NEGR1: variants seen among roughly 807,000 people sequenced by gnomAD.
NEGR1 encodes IgLON family member 4.
In NEGR1, 10 loss-of-function variants were observed where a neutral mutation model predicts 40.9. The observed-to-expected ratio is 0.24, with a 90% CI of 0.15 to 0.42. The LOEUF is 0.42. Ranked by LOEUF, NEGR1 falls within the 10% of genes least tolerant of loss-of-function variation. The pLI, the probability that NEGR1 is intolerant of heterozygous loss-of-function variation, is 1.00. For synonymous variants in NEGR1, 185 were observed against 166.8 expected (o/e 1.11, Z -0.84); for missense variants, 352 against 438.9 (o/e 0.80, Z 1.77).
intron 1 of NEGR1, among the ~76,000 whole-genome samples, chr1:72,097,790 T>A (rs1165753039): frequency 2.0e-5 from 3 of 152,180 alleles, no homozygotes. Context: ...ACATATAATA[T>A]TGGCCTCACG....
chr1:72,001,313 G>A (rs1186150940), intron 1 of NEGR1, among the ~76,000 whole-genome samples: 1 of 151,724 alleles, frequency 6.6e-6, no homozygotes, highest in Non-Finnish European at 1.5e-5. Flanking sequence ...GATTTCCTCA[G>A]CCATGAGAGA....
chr1:71,817,802 G>A (rs1308648076), intron 2 of NEGR1, among the ~76,000 whole-genome samples: 1 of 152,008 alleles, frequency 6.6e-6, no homozygotes, highest in Non-Finnish European at 1.5e-5. Flanking sequence ...AGGATTGGGT[G>A]GCTATGGCTA....
chr1:72,227,597 G>T (rs1654233638), intron 1 of NEGR1, among the ~76,000 whole-genome samples: 1 of 152,032 alleles, frequency 6.6e-6, no homozygotes, highest in South Asian at 2.1e-4. Flanking sequence ...TATTTCATTG[G>T]AAGTGTTTGG....
chr1:71,951,880 G>T (rs1214586734), intron 1 of NEGR1, among the ~76,000 whole-genome samples: 1 of 151,644 alleles, frequency 6.6e-6, no homozygotes, highest in Non-Finnish European at 1.5e-5. Flanking sequence ...ATGTTTTATG[G>T]TGGTCCATAA....
intron 2 of NEGR1, among the ~76,000 whole-genome samples, chr1:71,789,837 T>C (rs2101733770): frequency 6.6e-6 from 1 of 152,218 alleles, no homozygotes. Flanking sequence ...CAACCCCTTC[T>C]TCTTTCTGAA....
intron 6 of NEGR1, among the ~76,000 whole-genome samples, chr1:71,559,044 T>TATAC (rs1488767009): frequency 2.2e-3 from 136 of 62,254 alleles, no homozygotes; most frequent in Middle Eastern, 8.1e-3. Context: ...TATATATATA[T>TATAC]ACACATATAT....
At chr1:72,096,327 T>C (rs1413846293) in intron 1 of NEGR1, among the ~76,000 whole-genome samples, 1 of 152,152 alleles carries the variant, frequency 6.6e-6, no homozygotes, top group Non-Finnish European at 1.5e-5. Context: ...TAAGTGATTA[T>C]TTATTATTTT....
In NEGR1 at chr1:71,957,192, C is replaced by T. The variant is rs146555989; in HGVS notation, c.177-21881G>A. Among the ~76,000 whole-genome samples, 94 of 152,194 alleles carry T rather than the reference C, an allele frequency of 6.2e-4. No individual in the cohort carries two copies. In the East Asian group the frequency reaches 0.016, roughly 26 times the overall value. ...CAAAGTGAAAGTCATGACTATATCC[C>T]AGTGGAAGTCTTCAGAGAGTTTCAC... On this transcript the variant is annotated intron_variant, in intron 1 of 6. Coordinates refer to ENST00000357731, the MANE Select transcript of NEGR1 (RefSeq NM_173808.3).
chr1:71,906,502 T>C (rs1001374199), intron 2 of NEGR1, among the ~76,000 whole-genome samples: 1 of 151,634 alleles, frequency 6.6e-6, no homozygotes, highest in African/African-American at 2.4e-5. Flanking sequence ...AGTTGAGATC[T>C]GAATCTCCTT....
At chr1:71,489,521 A>G (rs1227400937) in intron 6 of NEGR1, among the ~76,000 whole-genome samples, 1 of 151,920 alleles carries the variant, frequency 6.6e-6, no homozygotes, top group Non-Finnish European at 1.5e-5. Context: ...CCTACTCTAA[A>G]AAAGAGAAAA....
chr1:72,096,837 T>TA (rs1252476451), intron 1 of NEGR1, among the ~76,000 whole-genome samples: 2 of 151,866 alleles, frequency 1.3e-5, no homozygotes, highest in South Asian at 2.1e-4. Context: ...TTTTTTTGTA[T>TA]TTTTTGTTTT....
chr1:71,730,579 A>ATATATG (rs972138311), intron 3 of NEGR1, among the ~76,000 whole-genome samples: 1 of 146,196 alleles, frequency 6.8e-6, no homozygotes, highest in African/African-American at 2.5e-5. Flanking sequence ...TTATATATAT[A>ATATATG]TATATATATA....
intron 1 of NEGR1, among the ~76,000 whole-genome samples, chr1:71,988,401 C>T (rs1018128388): frequency 1.8e-4 from 27 of 151,320 alleles, no homozygotes; most frequent in East Asian, 1.8e-3. Flanking sequence ...TAGCCGGGCG[C>T]GGTGGCGGGC....
intron 4 of NEGR1, among the ~76,000 whole-genome samples, chr1:71,669,049 A>C (rs2101597688): frequency 6.6e-6 from 1 of 152,192 alleles, no homozygotes; most frequent in Non-Finnish European, 1.5e-5. Context: ...TTTATGCTTT[A>C]TATATTGCAA....
At chr1:71,888,028 C>T (rs1192235425) in intron 2 of NEGR1, among the ~76,000 whole-genome samples, 2 of 150,186 alleles carry the variant, frequency 1.3e-5, no homozygotes, top group Non-Finnish European at 3.0e-5. Flanking sequence ...CACACACACA[C>T]ACACACACCT....
intron 6 of NEGR1, among the ~76,000 whole-genome samples, chr1:71,576,700 C>A (rs1648976533): frequency 6.6e-6 from 1 of 152,184 alleles, no homozygotes; most frequent in African/African-American, 2.4e-5. Flanking sequence ...ACTTCCCATG[C>A]AGCTAAGTGT....
At chr1:71,742,808 T>C (rs1418211762) in intron 3 of NEGR1, among the ~76,000 whole-genome samples, 1 of 152,148 alleles carries the variant, frequency 6.6e-6, no homozygotes, top group Non-Finnish European at 1.5e-5. Context: ...TGGGATTAAA[T>C]GAATGTATTT....
chr1:72,149,188 T>C (rs941841177), intron 1 of NEGR1, among the ~76,000 whole-genome samples: 2 of 151,820 alleles, frequency 1.3e-5, no homozygotes, highest in African/African-American at 4.8e-5. Flanking sequence ...AGAAAAAAAG[T>C]GAGGAAGAAG....
At chr1:72,131,373 T>C (rs1282750881) in intron 1 of NEGR1, among the ~76,000 whole-genome samples, 3 of 152,100 alleles carry the variant, frequency 2.0e-5, no homozygotes, top group African/African-American at 4.8e-5. Flanking sequence ...CACACATACA[T>C]CAAGGTAGAA....
Sources: allele counts gnomAD v4.1 joint callset (sites outside exome capture counted in the v4.1 genomes callset), GRCh38; gene constraint gnomAD v4.1.1; transcripts MANE v1.5; gene names NCBI Gene and HGNC (gene_info 2026-07-23, HGNC 2026-07-21).